The following SORBS2 variants were observed in gnomAD, a reference collection of about 807,000 sequenced individuals.
The protein encoded by SORBS2 is sorbin and SH3 domain-containing protein 2.
A neutral mutation model predicts 97.7 loss-of-function variants in SORBS2; 46 were observed. The observed-to-expected ratio is 0.47, with a 90% CI of 0.37 to 0.60. The LOEUF (loss-of-function observed/expected upper bound fraction) is 0.60. Ranked by LOEUF, SORBS2 falls within the 20% of genes least tolerant of loss-of-function variation. SORBS2 has a pLI of 0.00. For missense variants in SORBS2, 1,316 were observed against 1,282.3 expected (o/e 1.03, Z -0.40); for synonymous variants, 476 against 473.4 (o/e 1.01, Z -0.07).
intron 1 of SORBS2, among the ~76,000 whole-genome samples, chr4:185,820,470 C>A (rs2099196082): frequency 6.6e-6 from 1 of 152,200 alleles, no homozygotes; most frequent in African/African-American, 2.4e-5. Flanking sequence ...ACTTTATCGA[C>A]CAGATGCCAA....
intron 2 of SORBS2, among the ~76,000 whole-genome samples, chr4:185,712,907 A>T (rs1312069423): frequency 6.6e-6 from 1 of 152,108 alleles, no homozygotes; most frequent in Non-Finnish European, 1.5e-5. Flanking sequence ...CACACCTCTC[A>T]TCACCACCTT....
At chr4:185,657,624 C>A (rs374456557), upstream of SORBS2, 4 of 1,578,786 alleles carry the variant, frequency 2.5e-6, no homozygotes, top group Non-Finnish European at 3.4e-6. Context: ...TAACATGGAA[C>A]GTATTCGTTG....
chr4:185,695,154 C>T (rs1363850871), intron 2 of SORBS2, among the ~76,000 whole-genome samples: 1 of 152,142 alleles, frequency 6.6e-6, no homozygotes, highest in African/African-American at 2.4e-5. Flanking sequence ...TGGGCATGAA[C>T]ATGCCTTTGT....
intron 2 of SORBS2, among the ~76,000 whole-genome samples, chr4:185,702,900 C>G (rs1261702731): frequency 1.3e-5 from 2 of 152,126 alleles, no homozygotes; most frequent in Non-Finnish European, 2.9e-5. Context: ...CACTATGCTA[C>G]TGTCATGATT....
At position 185,905,739 on chromosome 4, in the gene SORBS2, CACACATGAGCT is replaced by C. The variant is rs1472649320; in HGVS notation, c.-338+50446_-338+50456del. Among the ~76,000 whole-genome samples, 23 of 152,236 alleles carry C rather than the reference CACACATGAGCT, an allele frequency of 1.5e-4. No individual in the cohort carries two copies. The East Asian group carries it at 3.9e-3, about 26-fold the overall frequency. ...TCAGCCTCCCAAAGCACTGGGATTA[CACACATGAGCT>C]ACTAGGCCCGGCCTCTTCTGTCTTT... On this transcript the variant is annotated intron_variant, in intron 1 of 20. Transcript: ENST00000284776.
intron 1 of SORBS2, among the ~76,000 whole-genome samples, chr4:185,914,496 G>A (rs77932888): frequency 0.013 from 1,915 of 152,196 alleles, 43 homozygotes; most frequent in African/African-American, 0.044. Context: ...GGTACATACC[G>A]GAATGTTATT....
chr4:185,744,604 C>T (rs945465134), intron 2 of SORBS2, among the ~76,000 whole-genome samples: 1 of 152,222 alleles, frequency 6.6e-6, no homozygotes, highest in Non-Finnish European at 1.5e-5. Context: ...GGTGGTGGCA[C>T]TAATGAGCCT....
intron 1 of SORBS2, among the ~76,000 whole-genome samples, chr4:185,655,669 A>G (rs2097387810): frequency 6.6e-6 from 1 of 152,234 alleles, no homozygotes; most frequent in African/African-American, 2.4e-5. Context: ...TGCATACCCA[A>G]ACGTGCTTTT....
chr4:185,619,917 C>T, intron 8 of SORBS2, 146 bp downstream of exon 20: 5 of 687,196 alleles, frequency 7.3e-6, no homozygotes, highest in East Asian at 2.6e-5. Context: ...TTGCTATGCT[C>T]AGGCCCCAAG....
At chr4:185,843,354 A>G (rs1483947761) in intron 1 of SORBS2, among the ~76,000 whole-genome samples, 1 of 152,230 alleles carries the variant, frequency 6.6e-6, no homozygotes, top group Non-Finnish European at 1.5e-5. Context: ...TTCTAGCTGT[A>G]GCAATTAGAT....
chr4:185,625,205 A>T (rs2096790499), intron 6 of SORBS2, among the ~76,000 whole-genome samples: 1 of 152,228 alleles, frequency 6.6e-6, no homozygotes, highest in African/African-American at 2.4e-5. Flanking sequence ...CTCATAGGAA[A>T]ACTGAATATA....
chr4:185,648,944 T>A (rs1229414055), intron 3 of SORBS2, among the ~76,000 whole-genome samples: 1 of 152,232 alleles, frequency 6.6e-6, no homozygotes, highest in Middle Eastern at 3.2e-3. Flanking sequence ...AAAGTGTTTA[T>A]AAATTTTTAT....
At chr4:185,908,648 C>T (rs2099253075) in intron 1 of SORBS2, among the ~76,000 whole-genome samples, 1 of 151,782 alleles carries the variant, frequency 6.6e-6, no homozygotes. Flanking sequence ...ATCTTCTAGA[C>T]CTCTGAAATG....
At chr4:185,945,789 G>A (rs2099274239) in intron 1 of SORBS2, among the ~76,000 whole-genome samples, 1 of 152,186 alleles carries the variant, frequency 6.6e-6, no homozygotes, top group Admixed American at 6.5e-5. Flanking sequence ...GGCTTGCTGT[G>A]AGATGTGCCA....
At chr4:185,948,810 G>A (rs576501166) in intron 1 of SORBS2, among the ~76,000 whole-genome samples, 5 of 151,968 alleles carry the variant, frequency 3.3e-5, no homozygotes, top group East Asian at 3.9e-4. Flanking sequence ...GAGCCACCAC[G>A]CCAGGCTATG....
intron 1 of SORBS2, among the ~76,000 whole-genome samples, chr4:185,812,604 A>C (rs1329559354): frequency 6.6e-6 from 1 of 152,232 alleles, no homozygotes; most frequent in African/African-American, 2.4e-5. Flanking sequence ...CAGTCATAGA[A>C]TGAGTGCAGA....
intron 1 of SORBS2, among the ~76,000 whole-genome samples, chr4:185,922,935 C>G (rs2149929268): frequency 6.6e-6 from 1 of 152,274 alleles, no homozygotes; most frequent in South Asian, 2.1e-4. Context: ...CGTTTGACTC[C>G]TAACTCAAGT....
chr4:185,655,474 A>G (rs2097383319), intron 1 of SORBS2, among the ~76,000 whole-genome samples: 1 of 152,232 alleles, frequency 6.6e-6, no homozygotes, highest in African/African-American at 2.4e-5. Context: ...GGAGGGCTGT[A>G]TAGTCAGTGT....
intron 12 of SORBS2, among the ~76,000 whole-genome samples, chr4:185,601,619 T>C (rs1001465000): frequency 6.6e-6 from 1 of 152,184 alleles, no homozygotes; most frequent in African/African-American, 2.4e-5. Flanking sequence ...TATAATTATT[T>C]TGAGTTTTCT....
Sources: gnomAD v4.1 joint callset for allele counts (sites outside exome capture counted in the v4.1 genomes callset) on GRCh38, gnomAD v4.1.1 for gene constraint, MANE v1.5 for transcripts, NCBI Gene and HGNC (gene_info 2026-07-23, HGNC 2026-07-21) for gene names.